MTR: variants seen among roughly 807,000 people sequenced by gnomAD.
MTR encodes the protein methionine synthase.
MTR carries 84 observed loss-of-function variants against 154.8 expected under a neutral mutation model. The observed-to-expected ratio is 0.54, with a 90% CI of 0.45 to 0.65. The LOEUF (loss-of-function observed/expected upper bound fraction) is 0.65. Ranked by LOEUF, MTR falls within the 30% of genes least tolerant of loss-of-function variation. The probability of loss-of-function intolerance (pLI) is 0.00; values close to 1 mark genes in which losing one functional copy is unlikely to be tolerated. For missense variants in MTR, 1,275 were observed against 1,570.2 expected (o/e 0.81, Z 3.18); for synonymous variants, 554 against 553.9 (o/e 1.00, Z 0.00).
intron 8 of MTR, among the ~76,000 whole-genome samples, chr1:236,817,285 T>C (rs1300376399): frequency 2.0e-5 from 3 of 152,114 alleles, no homozygotes; most frequent in Non-Finnish European, 4.4e-5. Context: ...GAAGCTATGC[T>C]GGTCCCCTTC....
At chr1:236,887,049 G>A (rs1372048785) in intron 27 of MTR, among the ~76,000 whole-genome samples, 4 of 152,110 alleles carry the variant, frequency 2.6e-5, no homozygotes, top group African/African-American at 9.7e-5. Flanking sequence ...GGAATAAAAC[G>A]TGTAAGATGT....
chr1:236,834,346 A>ATT (rs1434230566), intron 13 of MTR, among the ~76,000 whole-genome samples: 1 of 152,082 alleles, frequency 6.6e-6, no homozygotes, highest in Admixed American at 6.6e-5. Flanking sequence ...GGCCCAGCTA[A>ATT]TTTTTGTATT....
At chr1:236,836,087 G>C (rs1169886209) in intron 14 of MTR, among the ~76,000 whole-genome samples, 1 of 152,060 alleles carries the variant, frequency 6.6e-6, no homozygotes, top group Non-Finnish European at 1.5e-5. Flanking sequence ...ATCAGATTAA[G>C]ACAAAAATAT....
Position 236,885,429 on chromosome 1 carries a change from T to C in MTR, c.2775+210T>C, listed in dbSNP as rs563948388. Reference sequence around the variant, plus strand: ...TTGTATTGAAATGAATTTTATTTATTCAGCCAAACATTTACTGGGTACCCA... The same window carrying C: ...TTGTATTGAAATGAATTTTATTTATCCAGCCAAACATTTACTGGGTACCCA... On this transcript the variant is annotated intron_variant, in intron 26 of 32. Coordinates refer to ENST00000366577, the MANE Select transcript of MTR (RefSeq NM_000254.3). Among the ~76,000 whole-genome samples the C allele has an allele frequency of 2.0e-5, 3 of 152,280 alleles. No individual in the cohort carries two copies. The East Asian group carries it at 5.8e-4, about 29-fold the overall frequency.
chr1:236,812,875 TG>T (rs2103048143), intron 6 of MTR, 31 bp downstream of exon 6: 1 of 1,571,146 alleles, frequency 6.4e-7, no homozygotes, highest in East Asian at 2.2e-5. Flanking sequence ...CAGACAAGGC[TG>T]GGGTAAGGGC....
chr1:236,811,488 C>T (rs959457481), intron 5 of MTR, among the ~76,000 whole-genome samples: 3 of 152,122 alleles, frequency 2.0e-5, no homozygotes, highest in Non-Finnish European at 2.9e-5. Flanking sequence ...AGTCATGATA[C>T]CATGTCTGGT....
chr1:236,889,144 C>G, intron 27 of MTR, 37 bp from the exon 28 acceptor site: 1 of 1,613,478 alleles, frequency 6.2e-7, no homozygotes, highest in African/African-American at 1.3e-5. Flanking sequence ...GGCAGGGTGC[C>G]AGCGTCAGCA....
At chr1:236,843,517 G>T (rs1170424722) in intron 15 of MTR, among the ~76,000 whole-genome samples, 2 of 152,160 alleles carry the variant, frequency 1.3e-5, no homozygotes, top group Non-Finnish European at 2.9e-5. Context: ...TTGAACAGAG[G>T]AGCGAATATG....
intron 11 of MTR, 21 bp from the exon 12 acceptor site, chr1:236,829,168 A>G (rs200853042): frequency 3.8e-6 from 6 of 1,576,766 alleles, no homozygotes; most frequent in African/African-American, 2.7e-5. Context: ...AATGGATACA[A>G]TGTTTCCTCT....
chr1:236,858,043 G>A (rs1054926363), intron 18 of MTR, among the ~76,000 whole-genome samples: 1 of 152,170 alleles, frequency 6.6e-6, no homozygotes, highest in African/African-American at 2.4e-5. Flanking sequence ...GGGGAGGGGA[G>A]CATAAGGAAC....
chr1:236,823,421 C>T (rs1662089809), intron 8 of MTR, among the ~76,000 whole-genome samples: 1 of 152,120 alleles, frequency 6.6e-6, no homozygotes, highest in Non-Finnish European at 1.5e-5. Flanking sequence ...GGATATTTAA[C>T]CTATATTAAC....
chr1:236,822,816 T>C (rs867701682), intron 8 of MTR, among the ~76,000 whole-genome samples: 4 of 152,210 alleles, frequency 2.6e-5, no homozygotes, highest in Admixed American at 6.5e-5. Flanking sequence ...AATCCGTATG[T>C]GTACCTTTTA....
intron 1 of MTR, 68 bp from the exon 2 acceptor site, chr1:236,803,359 TA>T: frequency 6.9e-7 from 1 of 1,439,160 alleles, no homozygotes; most frequent in Non-Finnish European, 9.7e-7. Context: ...TAAATTTCTC[TA>T]AAGCTCCTCC....
intron 24 of MTR, among the ~76,000 whole-genome samples, chr1:236,879,824 A>T (rs762996798): frequency 2.0e-5 from 3 of 152,150 alleles, no homozygotes; most frequent in Non-Finnish European, 2.9e-5. Context: ...AAGTTTGGTA[A>T]TAGGGATGTG....
chr1:236,795,857 G>A (rs1660349196), intron 1 of MTR, 120 bp downstream of exon 1: 1 of 1,491,268 alleles, frequency 6.7e-7, no homozygotes, highest in Non-Finnish European at 9.2e-7. Context: ...TTCCCCGCGT[G>A]TGGGCGGCAC....
At chr1:236,816,591 T>A in intron 8 of MTR, 48 bp downstream of exon 8, 1 of 1,487,850 alleles carries the variant, frequency 6.7e-7, no homozygotes, top group Non-Finnish European at 9.4e-7. Context: ...TGGGGAACCT[T>A]TTCTGATGGC....
At chr1:236,830,236 G>T (rs934016448) in intron 12 of MTR, among the ~76,000 whole-genome samples, 1 of 151,852 alleles carries the variant, frequency 6.6e-6, no homozygotes, top group African/African-American at 2.4e-5. Context: ...GGAAAAGTGG[G>T]ATTCATGGTT....
rs1666504461 is a variant in MTR at position 236,894,391 on chromosome 1, A to G, written c.3239A>G (p.Tyr1080Cys). The stretch of plus-strand genomic sequence containing the variant: ...GACTCTGCCAGCACGGAGCCATACT[A>G]CTGCCTCTCAGACTTCATCGCTCCC... ...EKDSASTEPYYCLSDFIAPLH... is the reference protein window; with the variant it reads ...EKDSASTEPYCCLSDFIAPLH... The change falls in exon 30 of 33, where the codon TAC (tyrosine) becomes TGC (cysteine). Residue 1080 changes from tyrosine (Y) to cysteine (C), a missense_variant. Physicochemically the swap from Tyr to Cys is radical, Grantham distance 194. Transcript: ENST00000366577. 2.5e-6 allele frequency: 4 copies of G among 1,614,184 alleles called. No individual in the cohort carries two copies. The highest frequency in any genetic ancestry group is 2.2e-5 in the East Asian group (1 of 44,866).
intron 8 of MTR, chr1:236,819,972 C>G: frequency 8.7e-7 from 1 of 1,151,238 alleles, no homozygotes; most frequent in Non-Finnish European, 1.3e-6. Flanking sequence ...TAACCAGATC[C>G]AGGCAGCCTT....
Sources: gnomAD v4.1 joint callset for allele counts (sites outside exome capture counted in the v4.1 genomes callset) on GRCh38, gnomAD v4.1.1 for gene constraint, MANE v1.5 for transcripts, NCBI Gene and HGNC (gene_info 2026-07-23, HGNC 2026-07-21) for gene names.